The following ITPR3 variants were observed in gnomAD, a reference collection of about 807,000 sequenced individuals.
ITPR3 encodes the protein inositol 1,4,5-trisphosphate receptor type 3, also known as inositol 1,4,5-trisphosphate-gated calcium channel ITPR3.
ITPR3 carries 173 observed loss-of-function variants against 293.2 expected under a neutral mutation model. The ratio of observed to expected loss-of-function variants is 0.59; its 90% CI spans 0.52 to 0.67. ITPR3 has a LOEUF of 0.67. Among genes scored for constraint, ITPR3 ranks in the 30% least tolerant of loss-of-function variants. The probability of loss-of-function intolerance (pLI) is 0.00; values close to 1 mark genes in which losing one functional copy is unlikely to be tolerated. For synonymous variants in ITPR3, 1,295 were observed against 1,444.4 expected (o/e 0.90, Z 2.35); for missense variants, 2,796 against 3,592.1 (o/e 0.78, Z 5.66).
Position 33,621,843 on chromosome 6 carries a change from A to G in ITPR3, c.89+152A>G. The G allele has an allele frequency of 1.6e-6, 1 of 641,434 alleles. No homozygotes were observed. The highest frequency in any genetic ancestry group is 2.8e-6 in the Non-Finnish European group (1 of 361,428). The allele number at this position is 641,434 out of a possible 1,614,324, so 39.7% of individuals were successfully genotyped here. A position where few individuals can be genotyped will look rare whatever the true frequency, so the allele number is the denominator to read the frequency against. ...GGAACGGCTCGCCTCCTTCTTTTAC[A>G]GAAAGGAAGTGAAGTGTTTGCTCAG... is the stretch of plus-strand genomic sequence containing the variant. On this transcript the variant is annotated intron_variant, in intron 1 of 57. Coordinates refer to ENST00000605930, the MANE Select transcript of ITPR3 (RefSeq NM_002224.4). The surrounding 1 kb of genome is among the most constrained non-coding windows in gnomAD (Gnocchi z 7.7).
chr6:33,668,033 C>G, intron 16 of ITPR3, 69 bp downstream of exon 16: 1 of 1,548,360 alleles, frequency 6.5e-7, no homozygotes, highest in Non-Finnish European at 8.8e-7. Flanking sequence ...AGAAACTCTG[C>G]TGGTTGTGTG....
intron 7 of ITPR3, among the ~76,000 whole-genome samples, chr6:33,661,824 G>A (rs927117165): frequency 5.4e-5 from 8 of 149,520 alleles, no homozygotes; most frequent in Non-Finnish European, 8.9e-5. Flanking sequence ...GTGAAACCCC[G>A]TCTCTACTAA....
At position 33,679,859 on chromosome 6, in the gene ITPR3, C is replaced by T. The variant is rs756185909; in HGVS notation, c.3973-23C>T. The T allele has an allele frequency of 6.3e-7, 1 of 1,598,498 alleles. No homozygotes were observed. Among genetic ancestry groups the T allele is most frequent in the South Asian group, 1.1e-5 (1 of 88,936 alleles). ...GGCTTGCTGGACCGAGAGAGTGTGA[C>T]ACGTGCCCCCTCCCACCCGCAGCTG... On this transcript the variant is annotated intron_variant, in intron 30 of 57. Coordinates refer to ENST00000605930, the MANE Select transcript of ITPR3 (RefSeq NM_002224.4). The surrounding 1 kb of genome is among the most constrained non-coding windows in gnomAD (Gnocchi z 4.2).
chr6:33,684,271 G>T lies in ITPR3; in HGVS notation c.4938-86G>T. 6.3e-7 allele frequency: 1 copy of T among 1,591,630 alleles called. No individual in the cohort carries two copies. The highest frequency in any genetic ancestry group is 8.6e-7 in the Non-Finnish European group (1 of 1,162,450). ...AGGCTCACTGGGTCAGAGGGCCTGG[G>T]GGTGTTCCTGCCTGGGATGGGGTGG... On this transcript the variant is annotated intron_variant, in intron 36 of 57. Coordinates refer to ENST00000605930, the MANE Select transcript of ITPR3 (RefSeq NM_002224.4). The surrounding 1 kb of genome is among the most constrained non-coding windows in gnomAD (Gnocchi z 4.2).
chr6:33,646,750 C>T (rs1421828177), intron 2 of ITPR3, among the ~76,000 whole-genome samples: 1 of 151,822 alleles, frequency 6.6e-6, no homozygotes, highest in African/African-American at 2.4e-5. Flanking sequence ...AAACCCCGTC[C>T]CTACAAAAAT....
At chr6:33,634,287 G>A (rs1763765012) in intron 1 of ITPR3, among the ~76,000 whole-genome samples, 1 of 152,088 alleles carries the variant, frequency 6.6e-6, no homozygotes, top group African/African-American at 2.4e-5. Flanking sequence ...AATAAAACAA[G>A]GAAGGCAAGG....
chr6:33,669,022 C>T lies in ITPR3; in HGVS notation c.2055C>T (p.Ile685=), dbSNP rs561046732. 20 of 1,614,038 alleles carry T rather than the reference C, an allele frequency of 1.2e-5. No homozygotes were observed. The highest frequency in any genetic ancestry group is 6.7e-5 in the African/African-American group (5 of 75,020). Reference sequence around the variant, plus strand: ...CCCAATCCCACGAGTACCTGAGCATCGAGTACTCAGAAGAGGAAGTGTGGC... The same window carrying T: ...CCCAATCCCACGAGTACCTGAGCATTGAGTACTCAGAAGAGGAAGTGTGGC... The part of the protein sequence containing the change: ...EMAQSHEYLS[I]EYSEEEVWLT... The change falls in exon 18 of 58, where the codon ATC becomes ATT. Residue 685 remains isoleucine (I), a synonymous_variant. Transcript: ENST00000605930.
intron 20 of ITPR3, 124 bp from the exon 21 acceptor site, chr6:33,671,041 T>C (rs1764747219): frequency 1.3e-6 from 2 of 1,491,912 alleles, no homozygotes; most frequent in Non-Finnish European, 1.8e-6. Flanking sequence ...CTCTCCCTCC[T>C]GGGAACCCCG....
At chr6:33,660,545 T>A (rs991818341) in intron 7 of ITPR3, among the ~76,000 whole-genome samples, 1 of 141,108 alleles carries the variant, frequency 7.1e-6, no homozygotes, top group African/African-American at 2.5e-5. Context: ...CTGCACATCA[T>A]CCACACATTA....
intron 28 of ITPR3, among the ~76,000 whole-genome samples, chr6:33,677,933 A>G (rs1764954545): frequency 6.6e-6 from 1 of 151,960 alleles, no homozygotes; most frequent in Non-Finnish European, 1.5e-5. Flanking sequence ...TCTCAGCTTC[A>G]TCTCAACCTT....
Position 33,682,030 on chromosome 6 carries a change from C to T in ITPR3, c.4477-494C>T, listed in dbSNP as rs555529796. Among the ~76,000 whole-genome samples, 2 of 152,024 alleles carry T rather than the reference C, an allele frequency of 1.3e-5. No homozygotes were observed. The highest frequency in any genetic ancestry group is 2.9e-5 in the Non-Finnish European group (2 of 68,006). ...CTGAGTAGCTGGGATTATAGGCACC[C>T]GCCACCACGCCCGGCTAATTTTTGT... On this transcript the variant is annotated intron_variant, in intron 33 of 57. Transcript: ENST00000605930. This position sits in a 1 kb window ranked among gnomAD's most constrained non-coding sequence, Gnocchi z 5.4.
chr6:33,675,837 C>A lies in ITPR3; in HGVS notation c.3263C>A (p.Ala1088Asp). The change falls in exon 25 of 58, where the codon GCC (alanine) becomes GAC (aspartate). Residue 1088 changes from alanine (A) to aspartate (D), a missense_variant. Around this residue, in one of 8 missense-constraint regions of ITPR3, gnomAD observed 955 missense variants for 1,180.8 expected, o/e 0.81. Coordinates refer to ENST00000605930, the MANE Select transcript of ITPR3 (RefSeq NM_002224.4). The surrounding 1 kb of genome is among the most constrained non-coding windows in gnomAD (Gnocchi z 5.0). ...AAGCACTTCAGCCAGCGCCAGGAGG[C>A]CATGCACACCTTCAAGCAGGTGACG... Reference protein sequence around the residue: ...LFKHFSQRQEAMHTFKQVQLL... With the variant: ...LFKHFSQRQEDMHTFKQVQLL... The A allele has an allele frequency of 6.4e-7, 1 of 1,574,192 alleles. No individual in the cohort carries two copies. Among genetic ancestry groups the A allele is most frequent in the East Asian group, 2.4e-5 (1 of 42,286 alleles).
intron 21 of ITPR3, among the ~76,000 whole-genome samples, chr6:33,671,558 T>G (rs1764766047): frequency 6.6e-6 from 1 of 152,082 alleles, no homozygotes; most frequent in Non-Finnish European, 1.5e-5. Flanking sequence ...GGGGAGATAG[T>G]GAGGGAGGAG....
chr6:33,671,632 G>A (rs974139817), intron 21 of ITPR3, among the ~76,000 whole-genome samples: 7 of 152,124 alleles, frequency 4.6e-5, no homozygotes, highest in South Asian at 2.1e-4. Context: ...AGGGTTGAGC[G>A]GCAGCCCTGC....
chr6:33,626,606 C>T (rs1439798304), intron 1 of ITPR3, among the ~76,000 whole-genome samples: 1 of 152,188 alleles, frequency 6.6e-6, no homozygotes. Flanking sequence ...ATTTATTAGG[C>T]ATCTACCATG....
In ITPR3 at chr6:33,670,425, A is replaced by G. The variant is rs1210717471; in HGVS notation, c.2290A>G (p.Met764Val). ...QLGVDLIFLC[M>V]ADEMLPFDLR... is the part of the protein sequence containing the mutation. The stretch of plus-strand genomic sequence containing the variant: ...GGGCGTGGACCTGATTTTCCTGTGC[A>G]TGGCAGACGAGATGCTGCCCTTTGA... The change falls in exon 19 of 58, where the codon ATG becomes GTG. Residue 764 changes from methionine (M) to valine (V), a missense_variant. Met to Val is a conservative substitution (Grantham distance 21, BLOSUM62 1). Coordinates refer to ENST00000605930, the MANE Select transcript of ITPR3 (RefSeq NM_002224.4). This position sits in a 1 kb window ranked among gnomAD's most constrained non-coding sequence, Gnocchi z 6.7. 6.2e-7 allele frequency: 1 copy of G among 1,613,954 alleles called. No homozygotes were observed. Among genetic ancestry groups the G allele is most frequent in the Non-Finnish European group, 8.5e-7 (1 of 1,180,040 alleles).
Position 33,677,037 on chromosome 6 carries a change from T to C in ITPR3, c.3470T>C (p.Phe1157Ser). The stretch of plus-strand genomic sequence containing the variant: ...CAGCGTCCCACGGACGAGGAGGGCT[T>C]TCTGCACCCACCAGGGGAGAAAAGC... The part of the protein sequence containing the change: ...KKERPTDEEG[F>S]LHPPGEKSSE... Residue 1157 changes from phenylalanine to serine, a missense_variant, in exon 27 of 58, where the codon TTT (phenylalanine) becomes TCT (serine). Coordinates refer to ENST00000605930, the MANE Select transcript of ITPR3 (RefSeq NM_002224.4). 6.2e-7 allele frequency: 1 copy of C among 1,614,184 alleles called. No individual in the cohort carries two copies. Among genetic ancestry groups the C allele is most frequent in the South Asian group, 1.1e-5 (1 of 91,088 alleles).
intron 2 of ITPR3, among the ~76,000 whole-genome samples, chr6:33,653,438 T>C (rs1443752880): frequency 6.6e-6 from 1 of 152,114 alleles, no homozygotes; most frequent in Non-Finnish European, 1.5e-5. Flanking sequence ...ATCATGAATG[T>C]GGCAGCCACA....
intron 2 of ITPR3, among the ~76,000 whole-genome samples, chr6:33,647,264 A>T (rs2127242722): frequency 6.6e-6 from 1 of 152,270 alleles, no homozygotes; most frequent in Admixed American, 6.5e-5. Context: ...GGACTCAAGC[A>T]ATCTGCCCGC....
Sources: gnomAD v4.1 joint callset for allele counts (sites outside exome capture counted in the v4.1 genomes callset) on GRCh38, gnomAD v4.1.1 for gene constraint, gnomAD v4.1.1 regional missense constraint, Gnocchi (gnomAD v3.1) non-coding constraint, MANE v1.5 for transcripts, NCBI Gene and HGNC (gene_info 2026-07-23, HGNC 2026-07-21) for gene names.